TRIO: variants seen among roughly 807,000 people sequenced by gnomAD.
TRIO encodes the protein triple functional domain protein.
TRIO carries 58 observed loss-of-function variants against 351.9 expected under a neutral mutation model. That is an observed-to-expected ratio of 0.16 (90% CI 0.13 to 0.21). The LOEUF is 0.21. TRIO is among the 10% of genes least tolerant of loss of function. TRIO has a pLI of 1.00. For synonymous variants in TRIO, 1,758 were observed against 1,595.7 expected, an observed-to-expected ratio of 1.10 and a Z score of -2.42; for missense variants, 3,201 against 4,027.8, an observed-to-expected ratio of 0.79 and a Z score of 5.56.
chr5:14,338,040 G>A (rs1367550124), intron 11 of TRIO, among the ~76,000 whole-genome samples: 1 of 152,076 alleles, frequency 6.6e-6, no homozygotes, highest in Non-Finnish European at 1.5e-5. Context: ...ATTTTTTTGA[G>A]GAGACACATT....
At chr5:14,327,612 T>A (rs1031773959) in intron 9 of TRIO, among the ~76,000 whole-genome samples, 2 of 152,238 alleles carry the variant, frequency 1.3e-5, no homozygotes, top group Admixed American at 6.5e-5. Context: ...TGCTGCTTAC[T>A]GGTGACTTAA....
chr5:14,234,478 C>G (rs1793654312), intron 1 of TRIO, among the ~76,000 whole-genome samples: 1 of 152,134 alleles, frequency 6.6e-6, no homozygotes, highest in Non-Finnish European at 1.5e-5. Flanking sequence ...CGGAGGTAGC[C>G]CCGTGAGCAG....
At chr5:14,477,910 C>T (rs776526306) in intron 41 of TRIO, among the ~76,000 whole-genome samples, 2 of 152,198 alleles carry the variant, frequency 1.3e-5, no homozygotes, top group African/African-American at 2.4e-5. Flanking sequence ...GTGGCAGATA[C>T]ATATTTCCAA....
intron 11 of TRIO, among the ~76,000 whole-genome samples, chr5:14,355,961 A>G (rs1338917425): frequency 6.6e-6 from 1 of 152,236 alleles, no homozygotes; most frequent in Non-Finnish European, 1.5e-5. Context: ...CTAAAACTCC[A>G]TTGATTAAAA....
chr5:14,468,637 A>G (rs892895807), intron 37 of TRIO, among the ~76,000 whole-genome samples: 2 of 152,246 alleles, frequency 1.3e-5, no homozygotes, highest in Admixed American at 6.5e-5. Context: ...ACACTAATGC[A>G]TCATTGTAAT....
chr5:14,183,703 A>G, intron 1 of TRIO: 1 of 383,762 alleles, frequency 2.6e-6, no homozygotes, highest in Non-Finnish European at 4.7e-6. Flanking sequence ...CAAAAACTGG[A>G]ACAAAACTTT....
chr5:14,264,551 A>G (rs374587866), intron 1 of TRIO, among the ~76,000 whole-genome samples: 6 of 152,018 alleles, frequency 3.9e-5, no homozygotes, highest in Admixed American at 3.9e-4. Context: ...GCATTGTATT[A>G]TGTTTTGATT....
At chr5:14,493,425 C>T (rs1756639007) in intron 49 of TRIO, among the ~76,000 whole-genome samples, 1 of 152,124 alleles carries the variant, frequency 6.6e-6, no homozygotes, top group Non-Finnish European at 1.5e-5. Context: ...TCAAATATTT[C>T]ATGCATTTTG....
chr5:14,270,488 A>G (rs1795917213), intron 1 of TRIO, among the ~76,000 whole-genome samples: 1 of 152,218 alleles, frequency 6.6e-6, no homozygotes, highest in Non-Finnish European at 1.5e-5. Context: ...AGATTTATGT[A>G]CATTAATCTA....
chr5:14,439,776 T>C (rs1751878305), intron 34 of TRIO, among the ~76,000 whole-genome samples: 1 of 152,192 alleles, frequency 6.6e-6, no homozygotes, highest in Non-Finnish European at 1.5e-5. Context: ...TTGCTTTTGG[T>C]GTTTTAAGAA....
chr5:14,243,232 C>T (rs2152237526), intron 1 of TRIO, among the ~76,000 whole-genome samples: 1 of 152,230 alleles, frequency 6.6e-6, no homozygotes, highest in South Asian at 2.1e-4. Context: ...TGGTCCCTGC[C>T]TCTGCTGTTA....
chr5:14,240,589 A>G (rs561584726), intron 1 of TRIO, among the ~76,000 whole-genome samples: 54 of 152,386 alleles, frequency 3.5e-4, no homozygotes, highest in African/African-American at 1.2e-3. Context: ...TTAACCAGTC[A>G]GCCACTTTCC....
chr5:14,277,780 A>C (rs1274175549), intron 2 of TRIO, among the ~76,000 whole-genome samples: 2 of 152,188 alleles, frequency 1.3e-5, no homozygotes, highest in Non-Finnish European at 2.9e-5. Flanking sequence ...AGTTGATTTT[A>C]AGCTCCTTGA....
Position 14,358,223 on chromosome 5 carries a change from G to A in TRIO, c.2092G>A (p.Val698Met), listed in dbSNP as rs1743816087. The A allele has an allele frequency of 6.2e-7, 1 of 1,614,120 alleles. No homozygotes were observed. The highest frequency in any genetic ancestry group is 8.5e-7 in the Non-Finnish European group (1 of 1,179,962). Reference protein sequence around the residue: ...EELQKELLDDVYAESVEAVQD... With the variant: ...EELQKELLDDMYAESVEAVQD... ...GCTGCAGAAGGAGCTGCTGGACGACGTGTATGCCGAGTCGGTGGAGGCCGT... is the reference window on the plus strand; with the variant it reads ...GCTGCAGAAGGAGCTGCTGGACGACATGTATGCCGAGTCGGTGGAGGCCGT... Residue 698 changes from valine (V) to methionine (M), a missense_variant, in exon 12 of 57, where the codon GTG becomes ATG. Physicochemically the swap from Val to Met is conservative, Grantham distance 21. Around this residue, in one of 19 missense-constraint regions of TRIO, gnomAD observed 363 missense variants for 553.5 expected, o/e 0.66. Coordinates refer to ENST00000344204, the MANE Select transcript of TRIO (RefSeq NM_007118.4).
In TRIO at chr5:14,419,891, C is replaced by G; in HGVS notation, c.5073C>G (p.Asp1691Glu). Reference protein sequence around the residue: ...QTVEVLERPHDKPDWCLVRTT... With the variant: ...QTVEVLERPHEKPDWCLVRTT... ...TGGAAGTTCTGGAGCGGCCGCATGA[C>G]AAGCCTGACTGGTGTCTGGTGCGGA... The change falls in exon 34 of 57, where the codon GAC becomes GAG. Residue 1691 changes from aspartate (D) to glutamate (E), a missense_variant. Transcript: ENST00000344204. The G allele has an allele frequency of 1.2e-6, 2 of 1,614,194 alleles. No homozygotes were observed. The highest frequency in any genetic ancestry group is 1.7e-6 in the Non-Finnish European group (2 of 1,180,022).
chr5:14,224,556 G>A (rs248899), intron 1 of TRIO, among the ~76,000 whole-genome samples: 39,510 of 151,924 alleles, frequency 0.26, 5,366 homozygotes, highest in East Asian at 0.45. Flanking sequence ...AGCTTGGGAA[G>A]GCTGGATGGT....
At chr5:14,348,884 A>G (rs539917553) in intron 11 of TRIO, among the ~76,000 whole-genome samples, 1 of 111,852 alleles carries the variant, frequency 8.9e-6, no homozygotes, top group South Asian at 3.1e-4. Context: ...GCACATGAGC[A>G]TGTGTTTTTC....
At chr5:14,354,735 G>C (rs542413249) in intron 11 of TRIO, among the ~76,000 whole-genome samples, 1 of 152,334 alleles carries the variant, frequency 6.6e-6, no homozygotes, top group East Asian at 1.9e-4. Flanking sequence ...CAGTGGGACA[G>C]AGTAATAAGC....
intron 32 of TRIO, 112 bp from the exon 33 acceptor site, chr5:14,406,461 A>C: frequency 2.1e-6 from 2 of 969,796 alleles, no homozygotes; most frequent in Non-Finnish European, 3.3e-6. Flanking sequence ...GCATCCTGGC[A>C]GCAGCAGGCA....
Sources: allele counts gnomAD v4.1 joint callset (sites outside exome capture counted in the v4.1 genomes callset), GRCh38; gene constraint gnomAD v4.1.1; regional missense constraint gnomAD v4.1.1; transcripts MANE v1.5; gene names NCBI Gene and HGNC (gene_info 2026-07-23, HGNC 2026-07-21).